The following PCDHGB5 variants were observed in gnomAD, a reference collection of about 807,000 sequenced individuals.
PCDHGB5 encodes protocadherin gamma subfamily B, 5.
In PCDHGB5, 48 loss-of-function variants were observed where a neutral mutation model predicts 62.9. The ratio of observed to expected loss-of-function variants is 0.76; its 90% confidence interval spans 0.61 to 0.97. PCDHGB5 has a LOEUF of 0.97. Ranked by LOEUF, PCDHGB5 falls within the 50% of genes least tolerant of loss-of-function variation. The pLI is 0.00. For synonymous variants in PCDHGB5, 474 were observed against 511.2 expected, an observed-to-expected ratio of 0.93 and a Z score of 0.98; for missense variants, 1,118 against 1,198.6, an observed-to-expected ratio of 0.93 and a Z score of 0.99.
chr5:141,494,752 T>C (rs889400984), intron 1 of PCDHGB5, 55 bp from the exon 2 acceptor site: 18 of 1,612,206 alleles, frequency 1.1e-5, no homozygotes, highest in Non-Finnish European at 1.5e-5. Context: ...GGGGCTCGGG[T>C]GACATTCTAA....
In PCDHGB5 at chr5:141,476,776, G is replaced by A. The variant is rs764674164; in HGVS notation, c.2398-18031G>A. 9.3e-6 allele frequency: 15 copies of A among 1,612,744 alleles called. No homozygotes were observed. The highest frequency in any genetic ancestry group is 1.3e-5 in the Non-Finnish European group (15 of 1,179,218). On this transcript the variant is annotated intron_variant, in intron 1 of 3. Coordinates refer to ENST00000617380, the MANE Select transcript of PCDHGB5 (RefSeq NM_018925.3). This position sits in a 1 kb window ranked among gnomAD's most constrained non-coding sequence, Gnocchi z 7.6. ...TAGTGCTGACGGCGTTGGACGGAGG[G>A]ACCCCAGCTCTCTCCGCCAGCCTGC...
At chr5:141,426,830 C>A (rs559240163) in intron 1 of PCDHGB5, 301 of 456,662 alleles carry the variant, frequency 6.6e-4, no homozygotes, top group African/African-American at 5.8e-3. Flanking sequence ...TGATGATGGA[C>A]AAGACTAAAG....
chr5:141,442,472 C>T (rs1032989256), intron 1 of PCDHGB5: 1 of 152,204 alleles, frequency 6.6e-6, no homozygotes, highest in Non-Finnish European at 1.5e-5. Context: ...GCAGAAAGCC[C>T]CTTGGGGAAG....
intron 1 of PCDHGB5, chr5:141,441,971 G>T: frequency 3.3e-6 from 1 of 298,820 alleles, no homozygotes; most frequent in Non-Finnish European, 6.5e-6. Context: ...AGGCTCTTCA[G>T]CCTGGAATGC....
chr5:141,400,621 A>G (rs1361532935), intron 1 of PCDHGB5, 97 bp downstream of exon 1: 1 of 1,521,426 alleles, frequency 6.6e-7, no homozygotes, highest in Non-Finnish European at 9.0e-7. Flanking sequence ...GAGTTGTCTT[A>G]GGGAAGTCAG....
At chr5:141,426,096 T>C (rs1296875718) in intron 1 of PCDHGB5, among the ~76,000 whole-genome samples, 6 of 152,230 alleles carry the variant, frequency 3.9e-5, no homozygotes, top group Non-Finnish European at 8.8e-5. Flanking sequence ...GATATTCTGT[T>C]CAGTCACAGA....
intron 1 of PCDHGB5, among the ~76,000 whole-genome samples, chr5:141,438,641 C>T (rs1285585706): frequency 0.044 from 3,509 of 79,018 alleles, 123 homozygotes; most frequent in Non-Finnish European, 0.061. Flanking sequence ...TATATACACA[C>T]ACACACACAC....
Position 141,477,016 on chromosome 5 carries a change from A to G in PCDHGB5, c.2398-17791A>G, listed in dbSNP as rs2099403497. Reference sequence around the variant, plus strand: ...GGCAACTATTCGCCTTAGACCTTGTAACCGGGATGCTGACAATCAAGGGTC... The same window carrying G: ...GGCAACTATTCGCCTTAGACCTTGTGACCGGGATGCTGACAATCAAGGGTC... On this transcript the variant is annotated intron_variant, in intron 1 of 3. Transcript: ENST00000617380. The surrounding 1 kb of genome is among the most constrained non-coding windows in gnomAD (Gnocchi z 4.9). 4.3e-6 allele frequency: 7 copies of G among 1,614,130 alleles called. No homozygotes were observed. The highest frequency in any genetic ancestry group is 5.9e-6 in the Non-Finnish European group (7 of 1,180,050).
In PCDHGB5 at chr5:141,486,563, G is replaced by A. The variant is rs558244990; in HGVS notation, c.2398-8244G>A. The A allele has an allele frequency of 1.2e-6, 2 of 1,614,006 alleles. No homozygotes were observed. The highest frequency in any genetic ancestry group is 1.7e-6 in the Non-Finnish European group (2 of 1,180,036). On this transcript the variant is annotated intron_variant, in intron 1 of 3. Coordinates refer to ENST00000617380, the MANE Select transcript of PCDHGB5 (RefSeq NM_018925.3). The surrounding 1 kb of genome is among the most constrained non-coding windows in gnomAD (Gnocchi z 5.0). ...CTTTCAGAGGTCACATGAGGTGTTTGTTCCTGAGAACAATCGCCCAGGGGA... is the reference window on the plus strand; with the variant it reads ...CTTTCAGAGGTCACATGAGGTGTTTATTCCTGAGAACAATCGCCCAGGGGA...
chr5:141,408,339 T>C lies in PCDHGB5; in HGVS notation c.2397+7815T>C, dbSNP rs768142301. 1.7e-5 allele frequency: 27 copies of C among 1,613,672 alleles called. No homozygotes were observed. In the Middle Eastern group the frequency reaches 9.9e-4, roughly 59 times the overall value. ...CCGGAGGAGCTGGCCAAGGGCTCGGTGGTGGGGAACCTCGCTAAGGATCTA... is the reference window on the plus strand; with the variant it reads ...CCGGAGGAGCTGGCCAAGGGCTCGGCGGTGGGGAACCTCGCTAAGGATCTA... On this transcript the variant is annotated intron_variant, in intron 1 of 3. Coordinates refer to ENST00000617380, the MANE Select transcript of PCDHGB5 (RefSeq NM_018925.3).
At chr5:141,478,862 C>A in intron 1 of PCDHGB5, 1 of 1,326,032 alleles carries the variant, frequency 7.5e-7, no homozygotes, top group Non-Finnish European at 1.0e-6. Context: ...AAGATCTCAG[C>A]GATCAGAGTT....
At chr5:141,455,860 A>ATTATTTAT (rs145569377) in intron 1 of PCDHGB5, among the ~76,000 whole-genome samples, 155 of 139,844 alleles carry the variant, frequency 1.1e-3, no homozygotes, top group Non-Finnish European at 1.5e-3. Flanking sequence ...AATTTCTTTT[A>ATTATTTAT]TTATTTATTT....
At chr5:141,420,742 A>G (rs967908996) in intron 1 of PCDHGB5, among the ~76,000 whole-genome samples, 3 of 152,372 alleles carry the variant, frequency 2.0e-5, no homozygotes, top group African/African-American at 7.2e-5. Context: ...AATCAATTGG[A>G]ACCAACTACA....
At chr5:141,409,723 G>T (rs781363259) in intron 1 of PCDHGB5, 1 of 1,613,154 alleles carries the variant, frequency 6.2e-7, no homozygotes, top group Non-Finnish European at 8.5e-7. Flanking sequence ...ACGTGTCAGT[G>T]AGCGCGCAGA....
chr5:141,400,189 CT>C lies in PCDHGB5; in HGVS notation c.2063del (p.Leu688GlnfsTer7), dbSNP rs770137840. ...CCCCCAGGCTGAGCTGCAGTTTTACCTAGTGGTGGCCTTGGCCTTGATCTCA... is the reference window on the plus strand; with the variant it reads ...CCCCCAGGCTGAGCTGCAGTTTTACCAGTGGTGGCCTTGGCCTTGATCTCA... ...SDPQAELQFYLVVALALISVL... is the reference protein window; with the variant it reads ...SDPQAELQFYXVVALALISVL... On this transcript the variant is annotated frameshift_variant, in exon 1 of 4. Transcript: ENST00000617380. LOFTEE classifies it high-confidence loss of function. 5.6e-6 allele frequency: 9 copies of C among 1,614,056 alleles called. No homozygotes were observed. The highest frequency in any genetic ancestry group is 7.6e-6 in the Non-Finnish European group (9 of 1,179,906).
intron 1 of PCDHGB5, among the ~76,000 whole-genome samples, chr5:141,439,279 CT>C (rs2098102664): frequency 6.6e-6 from 1 of 151,930 alleles, no homozygotes; most frequent in African/African-American, 2.4e-5. Flanking sequence ...CATTCTGAGA[CT>C]GTGTTCCATG....
At chr5:141,428,196 C>A in intron 1 of PCDHGB5, 2 of 1,383,704 alleles carry the variant, frequency 1.4e-6, no homozygotes, top group Non-Finnish European at 2.0e-6. Context: ...CCGCTCTCTG[C>A]GCCGCTACGC....
In PCDHGB5 at chr5:141,432,866, G is replaced by C. The variant is rs139832920; in HGVS notation, c.2397+32342G>C. 8 of 1,614,152 alleles carry C rather than the reference G, an allele frequency of 5.0e-6. No individual in the cohort carries two copies. Among genetic ancestry groups the C allele is most frequent in the South Asian group, 2.2e-5 (2 of 91,074 alleles). On this transcript the variant is annotated intron_variant, in intron 1 of 3. Coordinates refer to ENST00000617380, the MANE Select transcript of PCDHGB5 (RefSeq NM_018925.3). The surrounding 1 kb of genome is among the most constrained non-coding windows in gnomAD (Gnocchi z 6.0). ...GGTAGCGGTGGCCGCGGTCTCCTGC[G>C]TCTTCCTGGCCTTCGTCATCTTGCT...
At chr5:141,500,185 TTTA>T (rs549090582) in intron 2 of PCDHGB5, among the ~76,000 whole-genome samples, 1 of 55,104 alleles carries the variant, frequency 1.8e-5, no homozygotes, top group Non-Finnish European at 3.2e-5. Flanking sequence ...CATTTTTATT[TTTA>T]TTTATTTATT....
Sources: allele counts gnomAD v4.1 joint callset (sites outside exome capture counted in the v4.1 genomes callset), GRCh38; gene constraint gnomAD v4.1.1; non-coding constraint Gnocchi (gnomAD v3.1); transcripts MANE v1.5; gene names NCBI Gene and HGNC (gene_info 2026-07-23, HGNC 2026-07-21).